Variants in ADAMTS12 observed in about 807,000 individuals in gnomAD.
The protein encoded by ADAMTS12 is ADAM metallopeptidase with thrombospondin type 1 motif 12.
A neutral mutation model predicts 167.8 loss-of-function variants in ADAMTS12; 118 were observed. The observed-to-expected ratio is 0.70, with a 90% CI of 0.61 to 0.82. ADAMTS12 has a LOEUF of 0.82. Ranked by LOEUF, ADAMTS12 falls within the 40% of genes least tolerant of loss-of-function variation. The probability of loss-of-function intolerance (pLI) is 0.00; values close to 1 mark genes in which losing one functional copy is unlikely to be tolerated. For synonymous variants in ADAMTS12, 704 were observed against 716.9 expected (o/e 0.98, Z 0.29); for missense variants, 1,916 against 1,998.8 (o/e 0.96, Z 0.79).
At chr5:33,710,743 A>T (rs34159774) in intron 3 of ADAMTS12, among the ~76,000 whole-genome samples, 92,839 of 151,974 alleles carry the variant, frequency 0.61, 29,537 homozygotes, top group Non-Finnish European at 0.69. Context: ...AGCATGATCT[A>T]GAAGCATCAC....
At chr5:33,753,183 T>A (rs914939822) in intron 2 of ADAMTS12, among the ~76,000 whole-genome samples, 5 of 152,216 alleles carry the variant, frequency 3.3e-5, no homozygotes, top group Admixed American at 2.0e-4. Flanking sequence ...AAAAGTGCCA[T>A]GCAAACTGCT....
At chr5:33,637,936 T>C (rs1391587381) in intron 11 of ADAMTS12, among the ~76,000 whole-genome samples, 190 bp from the exon 12 acceptor site, 7 of 152,218 alleles carry the variant, frequency 4.6e-5, no homozygotes, top group Non-Finnish European at 7.3e-5. Context: ...AAGTGTATAG[T>C]AGCTTATTTT....
At chr5:33,754,864 A>G (rs1561253761) in intron 2 of ADAMTS12, among the ~76,000 whole-genome samples, 1 of 152,078 alleles carries the variant, frequency 6.6e-6, no homozygotes, top group Non-Finnish European at 1.5e-5. Flanking sequence ...CCATCTCAAA[A>G]TAAATAAATA....
Position 33,595,970 on chromosome 5 carries a change from C to T in ADAMTS12, c.2618G>A (p.Arg873Lys). The T allele has an allele frequency of 6.2e-7, 1 of 1,614,124 alleles. No homozygotes were observed. Among genetic ancestry groups the T allele is most frequent in the Non-Finnish European group, 8.5e-7 (1 of 1,179,976 alleles). ...FCDPETQPNG[R>K]QKKCHEKACP... is the part of the protein sequence containing the mutation. Reference sequence around the variant, plus strand: ...AGCCTTTTCATGGCACTTCTTCTGTCTCCCATTGGGCTGTGTTTCTGGGTC... The same window carrying T: ...AGCCTTTTCATGGCACTTCTTCTGTTTCCCATTGGGCTGTGTTTCTGGGTC... Residue 873 changes from arginine to lysine, a missense_variant, in exon 17 of 24, where the codon AGA becomes AAA. Coordinates refer to ENST00000504830, the MANE Select transcript of ADAMTS12 (RefSeq NM_030955.4).
chr5:33,624,443 A>G (rs1485645970), intron 13 of ADAMTS12, 92 bp from the exon 14 acceptor site: 1 of 1,559,700 alleles, frequency 6.4e-7, no homozygotes, highest in Non-Finnish European at 8.7e-7. Flanking sequence ...TTGGTGCTTC[A>G]TAAGACTGGG....
intron 2 of ADAMTS12, among the ~76,000 whole-genome samples, chr5:33,794,004 T>C (rs1342197964): frequency 6.6e-6 from 1 of 152,176 alleles, no homozygotes; most frequent in Non-Finnish European, 1.5e-5. Context: ...CCGTGGAGTT[T>C]ACCCCCTGCT....
intron 2 of ADAMTS12, among the ~76,000 whole-genome samples, chr5:33,866,675 G>A (rs972036104): frequency 6.6e-6 from 1 of 151,900 alleles, no homozygotes; most frequent in Non-Finnish European, 1.5e-5. Flanking sequence ...CAGAATGAGA[G>A]ACAATATTTG....
At chr5:33,582,707 C>T (rs1305948694) in intron 18 of ADAMTS12, among the ~76,000 whole-genome samples, 1 of 152,210 alleles carries the variant, frequency 6.6e-6, no homozygotes, top group East Asian at 1.9e-4. Context: ...TAAAGATCTT[C>T]CTAGACTCTG....
intron 23 of ADAMTS12, among the ~76,000 whole-genome samples, chr5:33,527,808 G>A (rs1743895637): frequency 6.6e-6 from 1 of 152,176 alleles, no homozygotes; most frequent in African/African-American, 2.4e-5. Context: ...AGCCACCAAG[G>A]GTGATAAGAG....
intron 2 of ADAMTS12, among the ~76,000 whole-genome samples, chr5:33,860,270 AG>A (rs1749559032): frequency 6.6e-6 from 1 of 152,220 alleles, no homozygotes; most frequent in African/African-American, 2.4e-5. Flanking sequence ...CCTTAAAAAA[AG>A]GTTAGAGGAA....
chr5:33,670,968 A>C (rs1342912880), intron 5 of ADAMTS12, among the ~76,000 whole-genome samples: 1 of 152,216 alleles, frequency 6.6e-6, no homozygotes, highest in African/African-American at 2.4e-5. Context: ...ATCATAGAAT[A>C]CCACTCAGCA....
At chr5:33,838,307 A>T (rs1175669422) in intron 2 of ADAMTS12, among the ~76,000 whole-genome samples, 2 of 152,210 alleles carry the variant, frequency 1.3e-5, no homozygotes, top group African/African-American at 2.4e-5. Flanking sequence ...AAAAAAGGAA[A>T]ATTAAAACAT....
At chr5:33,649,856 C>A (rs1740812613) in intron 7 of ADAMTS12, among the ~76,000 whole-genome samples, 159 bp from the exon 8 acceptor site, 1 of 149,964 alleles carries the variant, frequency 6.7e-6, no homozygotes, top group Non-Finnish European at 1.5e-5. Context: ...AGGGGCATAG[C>A]TAATTTTCAA....
chr5:33,556,249 G>A (rs780464948), intron 20 of ADAMTS12, among the ~76,000 whole-genome samples: 4 of 152,330 alleles, frequency 2.6e-5, no homozygotes, highest in South Asian at 2.1e-4. Flanking sequence ...TAATGACAGA[G>A]TAGGTTATCA....
At chr5:33,705,541 GGT>G (rs1229134355) in intron 3 of ADAMTS12, among the ~76,000 whole-genome samples, 1 of 152,090 alleles carries the variant, frequency 6.6e-6, no homozygotes, top group Non-Finnish European at 1.5e-5. Context: ...GGCCAGGCAC[GGT>G]GGCTCAAGCC....
chr5:33,705,620 C>T (rs1222925222), intron 3 of ADAMTS12, among the ~76,000 whole-genome samples: 2 of 152,054 alleles, frequency 1.3e-5, no homozygotes, highest in Admixed American at 1.3e-4. Context: ...TGAGACCAGC[C>T]TGGCCAACGT....
At chr5:33,772,481 C>G (rs1342793183) in intron 2 of ADAMTS12, among the ~76,000 whole-genome samples, 1 of 152,164 alleles carries the variant, frequency 6.6e-6, no homozygotes, top group Non-Finnish European at 1.5e-5. Context: ...TCCCAAGGTG[C>G]TGTATTACTC....
chr5:33,867,196 C>T (rs945597052), intron 2 of ADAMTS12, among the ~76,000 whole-genome samples: 7 of 152,136 alleles, frequency 4.6e-5, no homozygotes, highest in Non-Finnish European at 1.0e-4. Flanking sequence ...ATTGCAAAGA[C>T]ATGGAACCGA....
Position 33,656,942 on chromosome 5 carries a change from T to C in ADAMTS12, c.1190+1242A>G, listed in dbSNP as rs188489640. On this transcript the variant is annotated intron_variant, in intron 7 of 23. Coordinates refer to ENST00000504830, the MANE Select transcript of ADAMTS12 (RefSeq NM_030955.4). ...TCTCTATCTCTGAATTTTTGATAAC[T>C]AAGGATACTGGAATATACCACATTT... is the stretch of plus-strand genomic sequence containing the variant. Among the ~76,000 whole-genome samples the C allele has an allele frequency of 1.0e-3, 154 of 152,316 alleles. 2 individuals are homozygous for C. Among genetic ancestry groups the C allele is most frequent in the Admixed American group, 0.01 (154 of 15,284 alleles).
Sources: gnomAD v4.1 joint callset for allele counts (sites outside exome capture counted in the v4.1 genomes callset) on GRCh38, gnomAD v4.1.1 for gene constraint, MANE v1.5 for transcripts, NCBI Gene and HGNC (gene_info 2026-07-23, HGNC 2026-07-21) for gene names.